Variants in SHANK2 observed in about 807,000 individuals in gnomAD.
SHANK2 encodes the protein SH3 and multiple ankyrin repeat domains protein 2.
A neutral mutation model predicts 133.7 loss-of-function variants in SHANK2; 43 were observed. That is an observed-to-expected ratio of 0.32 (90% CI 0.25 to 0.41). The LOEUF (loss-of-function observed/expected upper bound fraction) is 0.41, where lower values mean the gene tolerates loss of function less well. Among genes scored for constraint, SHANK2 ranks in the 10% least tolerant of loss-of-function variants. The probability of loss-of-function intolerance (pLI) is 1.00; values close to 1 mark genes in which losing one functional copy is unlikely to be tolerated. For synonymous variants in SHANK2, 1,017 were observed against 952.8 expected (o/e 1.07, Z -1.24); for missense variants, 1,994 against 2,235.8 (o/e 0.89, Z 2.18).
chr11:70,656,510 C>T (rs539195251), intron 17 of SHANK2, among the ~76,000 whole-genome samples: 53 of 152,304 alleles, frequency 3.5e-4, no homozygotes, highest in African/African-American at 1.1e-3. Context: ...GCCCCTCCCA[C>T]GGCCTCTGAA....
At chr11:70,935,880 G>T (rs1950564445) in intron 10 of SHANK2, among the ~76,000 whole-genome samples, 1 of 152,168 alleles carries the variant, frequency 6.6e-6, no homozygotes, top group South Asian at 2.1e-4. Flanking sequence ...CCCCGCAAAG[G>T]TGAACCATTC....
At position 70,609,704 on chromosome 11, in the gene SHANK2, TTCA is replaced by T. The variant is rs782667548; in HGVS notation, c.2061+50121_2061+50123del. 7.4e-5 allele frequency among the ~76,000 whole-genome samples: 8 copies of T among 107,608 alleles called. No homozygotes were observed. In the South Asian group the frequency reaches 2.5e-3, roughly 34 times the overall value. The allele number at this position is 107,608 out of a possible 152,430, so 70.6% of individuals were successfully genotyped here. ...TCTTGTATATACTGTATATTGTATA[TTCA>T]TATACTATATTGTATATTGTATATA... On this transcript the variant is annotated intron_variant, in intron 17 of 25. Transcript: ENST00000601538.
rs376929048 is a variant in SHANK2 at position 71,104,338 on chromosome 11, C to T, written c.592+5603G>A. On this transcript the variant is annotated intron_variant, in intron 6 of 25. Transcript: ENST00000601538. ...GCACTGAGCTGGGCATTGGAAGGGTCGCCTCTGCAGTCCCAACACAGGGCC... is the reference window on the plus strand; with the variant it reads ...GCACTGAGCTGGGCATTGGAAGGGTTGCCTCTGCAGTCCCAACACAGGGCC... Among the ~76,000 whole-genome samples, 13 of 152,240 alleles carry T rather than the reference C, an allele frequency of 8.5e-5. No homozygotes were observed. In the East Asian group the frequency reaches 2.5e-3, roughly 29 times the overall value.
chr11:71,064,798 G>A (rs977936903), intron 9 of SHANK2, among the ~76,000 whole-genome samples: 3 of 152,104 alleles, frequency 2.0e-5, no homozygotes, highest in Non-Finnish European at 4.4e-5. Flanking sequence ...TCCAGGGGAA[G>A]GGCGTTATTT....
At position 70,472,141 on chromosome 11, in the gene SHANK2, G is replaced by A. The variant is rs1555148697; in HGVS notation, c.*728C>T. The A allele has an allele frequency of 6.5e-6, 1 of 152,700 alleles. No individual in the cohort carries two copies. Among genetic ancestry groups the A allele is most frequent in the African/African-American group, 2.4e-5 (1 of 41,430 alleles). The allele number at this position is 152,700 out of a possible 1,614,324, so 9.5% of individuals were successfully genotyped here. On this transcript the variant is annotated 3_prime_UTR_variant, in exon 26 of 26. Coordinates refer to ENST00000601538, the MANE Select transcript of SHANK2 (RefSeq NM_012309.5). The surrounding 1 kb of genome is among the most constrained non-coding windows in gnomAD (Gnocchi z 4.4). The stretch of plus-strand genomic sequence containing the variant: ...CATGTGACATCTGCTTGGCCACCTT[G>A]GAATTATGCTAACAGATTTGCAGAA...
rs1407363289 is a variant in SHANK2 at position 70,659,816 on chromosome 11, C to T, written c.2061+12G>A. The T allele has an allele frequency of 6.2e-7, 1 of 1,614,048 alleles. No homozygotes were observed. The highest frequency in any genetic ancestry group is 1.3e-5 in the African/African-American group (1 of 74,924). ...TCCCCAAGCAGAAAGATACAGACACCTGTGTCCCTACCTCAATCAAGAAGT... is the reference window on the plus strand; with the variant it reads ...TCCCCAAGCAGAAAGATACAGACACTTGTGTCCCTACCTCAATCAAGAAGT... On this transcript the variant is annotated intron_variant, in intron 17 of 25. Coordinates refer to ENST00000601538, the MANE Select transcript of SHANK2 (RefSeq NM_012309.5).
At chr11:71,163,058 G>A (rs369684295) in intron 2 of SHANK2, among the ~76,000 whole-genome samples, 2 of 103,732 alleles carry the variant, frequency 1.9e-5, no homozygotes, top group Admixed American at 9.6e-5. Context: ...GGGCAACAGA[G>A]TGAGACTCTG....
At chr11:70,602,868 C>T (rs1296940322) in intron 17 of SHANK2, among the ~76,000 whole-genome samples, 10 of 152,174 alleles carry the variant, frequency 6.6e-5, no homozygotes, top group Admixed American at 6.5e-4. Flanking sequence ...GACCCACAGG[C>T]TTTGGATAGC....
At chr11:70,699,029 T>C (rs1307241904) in intron 14 of SHANK2, among the ~76,000 whole-genome samples, 6 of 152,050 alleles carry the variant, frequency 3.9e-5, no homozygotes, top group Non-Finnish European at 8.8e-5. Context: ...AGGCCTCAGC[T>C]CACAGAGGAG....
At position 70,487,314 on chromosome 11, in the gene SHANK2, C is replaced by T. The variant is rs1591490362; in HGVS notation, c.2979G>A (p.Gly993=). 3 of 1,614,202 alleles carry T rather than the reference C, an allele frequency of 1.9e-6. No homozygotes were observed. The East Asian group carries it at 6.7e-5, about 36-fold the overall frequency. The change falls in exon 25 of 26, where the codon GGG becomes GGA. Residue 993 remains glycine, a synonymous_variant. Coordinates refer to ENST00000601538, the MANE Select transcript of SHANK2 (RefSeq NM_012309.5). This position sits in a 1 kb window ranked among gnomAD's most constrained non-coding sequence, Gnocchi z 5.8. ...QMPENPYSEV[G]KIASKAVYVP... ...CGTAGACGGCTTTGCTGGCGATCTT[C>T]CCCACCTCTGAGTATGGGTTTTCTG... is the stretch of plus-strand genomic sequence containing the variant.
intron 14 of SHANK2, among the ~76,000 whole-genome samples, chr11:70,795,407 C>CTTTTTTTTTT (rs71049944): frequency 2.3e-5 from 3 of 128,458 alleles, no homozygotes; most frequent in Non-Finnish European, 4.7e-5. Context: ...CTTTCTTTTT[C>CTTTTTTTTTT]TTTTTTTTTT....
intron 2 of SHANK2, among the ~76,000 whole-genome samples, chr11:71,196,626 A>G (rs1953908828): frequency 6.6e-6 from 1 of 151,876 alleles, no homozygotes; most frequent in Non-Finnish European, 1.5e-5. Flanking sequence ...GAGACTAGCA[A>G]GGTCCTAGAA....
rs116161589 is a variant in SHANK2, at chr11:70,677,279, C to A, written c.1854-15601G>T. On this transcript the variant is annotated intron_variant, in intron 15 of 25. Coordinates refer to ENST00000601538, the MANE Select transcript of SHANK2 (RefSeq NM_012309.5). The stretch of plus-strand genomic sequence containing the variant: ...CCTGTCCACAGACTGGGCTTCCAGA[C>A]ACCCCAGACAAGCCACACAGTTGCA... 6.9e-3 allele frequency among the ~76,000 whole-genome samples: 1,047 copies of A among 152,276 alleles called. 11 individuals are homozygous for A. The highest frequency in any genetic ancestry group is 0.024 in the African/African-American group (986 of 41,558).
intron 10 of SHANK2, among the ~76,000 whole-genome samples, chr11:70,919,934 C>G (rs1950326566): frequency 1.3e-5 from 2 of 152,184 alleles, no homozygotes; most frequent in Admixed American, 1.3e-4. Context: ...GCAACCAACC[C>G]AAGCTTGGTA....
At chr11:70,716,895 G>GCCCCCCCCCCCCCCCCCCCC (rs60827522) in intron 14 of SHANK2, among the ~76,000 whole-genome samples, 2 of 138,390 alleles carry the variant, frequency 1.4e-5, no homozygotes, top group Non-Finnish European at 3.0e-5. Flanking sequence ...GGGTCCCGGA[G>GCCCCCCCCCCCCCCCCCCCC]CCCCCCCCCC....
intron 17 of SHANK2, among the ~76,000 whole-genome samples, chr11:70,572,725 T>A (rs1229263201): frequency 2.0e-5 from 3 of 152,088 alleles, no homozygotes; most frequent in African/African-American, 7.2e-5. Context: ...CCTCACACTG[T>A]TCCAAATGAA....
intron 3 of SHANK2, among the ~76,000 whole-genome samples, chr11:71,132,589 C>A (rs1216548308): frequency 6.6e-6 from 1 of 152,202 alleles, no homozygotes; most frequent in East Asian, 1.9e-4. Flanking sequence ...GGAGACCCTG[C>A]AAACTGGGCC....
intron 2 of SHANK2, among the ~76,000 whole-genome samples, chr11:71,195,752 T>G (rs1281011232): frequency 6.6e-6 from 1 of 152,208 alleles, no homozygotes; most frequent in Non-Finnish European, 1.5e-5. Flanking sequence ...AATGTATCAC[T>G]CTAATAAATT....
chr11:70,663,521 G>C (rs1555014085), intron 15 of SHANK2, among the ~76,000 whole-genome samples: 1 of 152,198 alleles, frequency 6.6e-6, no homozygotes, highest in African/African-American at 2.4e-5. Context: ...CAGCATCAGA[G>C]GGTCGTGCAT....
Sources: allele counts gnomAD v4.1 joint callset (sites outside exome capture counted in the v4.1 genomes callset), GRCh38; gene constraint gnomAD v4.1.1; non-coding constraint Gnocchi (gnomAD v3.1); transcripts MANE v1.5; gene names NCBI Gene and HGNC (gene_info 2026-07-23, HGNC 2026-07-21).